TRHDE: variants seen among roughly 807,000 people sequenced by gnomAD.
The protein encoded by TRHDE is thyrotropin releasing hormone degrading enzyme.
A neutral mutation model predicts 125.7 loss-of-function variants in TRHDE; 72 were observed. The observed-to-expected ratio is 0.57, with a 90% CI of 0.47 to 0.70. The LOEUF is 0.70. Ranked by LOEUF, TRHDE falls within the 30% of genes least tolerant of loss-of-function variation. The probability of loss-of-function intolerance (pLI) is 0.00; values close to 1 mark genes in which losing one functional copy is unlikely to be tolerated. For missense variants in TRHDE, 1,110 were observed against 1,327.1 expected (o/e 0.84, Z 2.54); for synonymous variants, 509 against 509.1 (o/e 1.00, Z 0.00).
intron 5 of TRHDE, among the ~76,000 whole-genome samples, chr12:72,495,060 G>GTTTTTTTTTTTTTTTT (rs751243542): frequency 5.1e-5 from 3 of 58,392 alleles, no homozygotes; most frequent in African/African-American, 1.5e-4. Flanking sequence ...TTCCTCCCCC[G>GTTTTTTTTTTTTTTTT]TTTTTTTTTT....
At chr12:72,152,766 A>G (rs1016850120) in intron 2 of TRHDE, among the ~76,000 whole-genome samples, 1 of 152,134 alleles carries the variant, frequency 6.6e-6, no homozygotes, top group African/African-American at 2.4e-5. Context: ...ATGGTGGATA[A>G]GCTTTTTGAT....
intron 2 of TRHDE, among the ~76,000 whole-genome samples, chr12:72,113,956 AGCTGGT>A (rs1480411913): frequency 6.6e-6 from 1 of 151,786 alleles, no homozygotes; most frequent in Non-Finnish European, 1.5e-5. Context: ...ATTCCAACTC[AGCTGGT>A]TATTTGTTAA....
intron 3 of TRHDE, among the ~76,000 whole-genome samples, chr12:72,378,869 T>C (rs1424076345): frequency 2.6e-5 from 4 of 152,158 alleles, no homozygotes; most frequent in Admixed American, 1.3e-4. Flanking sequence ...AGGCTGCTGC[T>C]TTTGCCAGGG....
At position 72,392,483 on chromosome 12, in the gene TRHDE, A is replaced by G. The variant is rs574088054; in HGVS notation, c.1315+14362A>G. Among the ~76,000 whole-genome samples, 15 of 152,330 alleles carry G rather than the reference A, an allele frequency of 9.8e-5. No homozygotes were observed. In the South Asian group the frequency reaches 1.2e-3, roughly 13 times the overall value. Reference sequence around the variant, plus strand: ...AAATATGTGATAGAAAAAAATTTTCATAATGTAAAGACGCCTCCATAATCA... The same window carrying G: ...AAATATGTGATAGAAAAAAATTTTCGTAATGTAAAGACGCCTCCATAATCA... On this transcript the variant is annotated intron_variant, in intron 3 of 18. Transcript: ENST00000261180.
In TRHDE at chr12:72,562,485, G is replaced by C. The variant is rs143036917; in HGVS notation, c.1854+255G>C. Among the ~76,000 whole-genome samples, 321 of 151,048 alleles carry C rather than the reference G, an allele frequency of 2.1e-3. 1 individual carries two copies. The highest frequency in any genetic ancestry group is 6.8e-3 in the African/African-American group (279 of 41,050). On this transcript the variant is annotated intron_variant, in intron 8 of 18. Transcript: ENST00000261180. ...ACTTCTGAAATATAAGTTTAACATG[G>C]TGTAAGATATTCATGTTAAAAAAAA...
At chr12:72,604,622 T>G (rs1461514778) in intron 12 of TRHDE, among the ~76,000 whole-genome samples, 1 of 152,086 alleles carries the variant, frequency 6.6e-6, no homozygotes, top group Non-Finnish European at 1.5e-5. Context: ...AAATATAAAA[T>G]ATTCTTAAAC....
intron 2 of TRHDE, among the ~76,000 whole-genome samples, chr12:72,120,443 C>A (rs1020410917): frequency 2.0e-5 from 3 of 151,946 alleles, no homozygotes; most frequent in Non-Finnish European, 4.4e-5. Context: ...TGATCACCTT[C>A]CTTTAAGGTG....
At position 72,365,268 on chromosome 12, in the gene TRHDE, G is replaced by C. The variant is rs137859752; in HGVS notation, c.1189-12727G>C. On this transcript the variant is annotated intron_variant, in intron 2 of 18. Coordinates refer to ENST00000261180, the MANE Select transcript of TRHDE (RefSeq NM_013381.3). ...TTCTTTCAAGCTTTGAGGTTTGCTT[G>C]TTGTGGGGCTAAATGAACAAAAGCT... Among the ~76,000 whole-genome samples the C allele has an allele frequency of 6.1e-3, 932 of 152,162 alleles. 4 individuals carry two copies. Among genetic ancestry groups the C allele is most frequent in the Non-Finnish European group, 7.6e-3 (517 of 68,002 alleles).
chr12:72,399,120 C>A (rs1872927487), intron 3 of TRHDE, among the ~76,000 whole-genome samples: 1 of 152,206 alleles, frequency 6.6e-6, no homozygotes, highest in Non-Finnish European at 1.5e-5. Context: ...TTATGAGAAT[C>A]TAATTCCTGA....
intron 2 of TRHDE, among the ~76,000 whole-genome samples, chr12:72,239,452 G>A (rs1224378333): frequency 6.6e-6 from 1 of 152,112 alleles, no homozygotes; most frequent in Non-Finnish European, 1.5e-5. Flanking sequence ...TAGACATGAA[G>A]TCTTTGCCCA....
At chr12:72,545,559 A>T (rs1004902600) in intron 7 of TRHDE, among the ~76,000 whole-genome samples, 1 of 151,574 alleles carries the variant, frequency 6.6e-6, no homozygotes, top group Non-Finnish European at 1.5e-5. Context: ...TGTAAACTAG[A>T]TATGCAAGAG....
intron 1 of TRHDE, among the ~76,000 whole-genome samples, chr12:72,279,177 A>T (rs946655456): frequency 2.0e-5 from 3 of 152,320 alleles, no homozygotes; most frequent in African/African-American, 4.8e-5. Context: ...AATGCAGGAC[A>T]TGTTTTAGGT....
At chr12:72,263,012 A>G (rs2139395732) in intron 2 of TRHDE, 1 of 152,288 alleles carries the variant, frequency 6.6e-6, no homozygotes, top group East Asian at 1.9e-4. Context: ...ATTGTTACAT[A>G]ATGTAACCCA....
At chr12:72,122,222 A>G (rs148673865) in intron 2 of TRHDE, among the ~76,000 whole-genome samples, 147 of 152,330 alleles carry the variant, frequency 9.7e-4, no homozygotes, top group African/African-American at 3.3e-3. Flanking sequence ...CTCTGGAGGC[A>G]GAAGCAACAG....
chr12:72,380,875 C>T (rs1252352531), intron 3 of TRHDE, among the ~76,000 whole-genome samples: 2 of 140,518 alleles, frequency 1.4e-5, no homozygotes, highest in African/African-American at 5.3e-5. Context: ...CTCTCTCTCT[C>T]TTCTTTCTTT....
At chr12:72,531,200 C>T (rs1832663167) in intron 6 of TRHDE, among the ~76,000 whole-genome samples, 1 of 151,948 alleles carries the variant, frequency 6.6e-6, no homozygotes, top group Non-Finnish European at 1.5e-5. Flanking sequence ...TTAATTTATA[C>T]TTATTTGTTT....
At chr12:72,512,656 TATATA>T (rs1436085734) in intron 6 of TRHDE, among the ~76,000 whole-genome samples, 3 of 144,016 alleles carry the variant, frequency 2.1e-5, no homozygotes, top group Non-Finnish European at 3.0e-5. Context: ...TCATATATAA[TATATA>T]ATATAAATGG....
intron 2 of TRHDE, among the ~76,000 whole-genome samples, chr12:72,141,391 G>A (rs1876108296): frequency 6.6e-6 from 1 of 152,056 alleles, no homozygotes; most frequent in African/African-American, 2.4e-5. Context: ...TCACTGCCCC[G>A]ATAACCACAG....
intron 2 of TRHDE, among the ~76,000 whole-genome samples, chr12:72,348,636 T>C (rs944186981): frequency 6.6e-6 from 1 of 152,102 alleles, no homozygotes; most frequent in African/African-American, 2.4e-5. Flanking sequence ...AATTTCACAA[T>C]AGAGACAAAA....
Sources: gnomAD v4.1 joint callset for allele counts (sites outside exome capture counted in the v4.1 genomes callset) on GRCh38, gnomAD v4.1.1 for gene constraint, MANE v1.5 for transcripts, NCBI Gene and HGNC (gene_info 2026-07-23, HGNC 2026-07-21) for gene names.